ZNF346: variants seen among roughly 807,000 people sequenced by gnomAD.
ZNF346 encodes the protein zinc finger protein 346.
In ZNF346, 23 loss-of-function variants were observed where a neutral mutation model predicts 33.7. The observed-to-expected ratio is 0.68, with a 90% CI of 0.49 to 0.97. The LOEUF (loss-of-function observed/expected upper bound fraction) is 0.97. ZNF346 is among the 50% of genes least tolerant of loss of function. ZNF346 has a pLI of 0.00. For missense variants in ZNF346, 340 were observed against 371.1 expected (o/e 0.92, Z 0.69); for synonymous variants, 134 against 142.4 (o/e 0.94, Z 0.42).
intron 8 of ZNF346, among the ~76,000 whole-genome samples, chr5:177,075,840 C>G (rs1288460384): frequency 6.6e-6 from 1 of 152,226 alleles, no homozygotes; most frequent in Admixed American, 6.5e-5. Context: ...GCACCCGCCA[C>G]CACGCCCAGC....
At position 177,034,832 on chromosome 5, in the gene ZNF346, T is replaced by C. The variant is rs147193071; in HGVS notation, c.176-6294T>C. 3.3e-5 allele frequency among the ~76,000 whole-genome samples: 5 copies of C among 152,330 alleles called. No individual in the cohort carries two copies. In the East Asian group the frequency reaches 9.6e-4, roughly 29 times the overall value. ...AGTTTTCCAGCATCCGTTGTCCAGC[T>C]TCATAGGTTGAGAGAGAAGTTGTTA... On this transcript the variant is annotated intron_variant, in intron 1 of 6. Coordinates refer to ENST00000358149, the MANE Select transcript of ZNF346 (RefSeq NM_012279.4).
chr5:177,072,250 T>C (rs1201322742), downstream of ZNF346, among the ~76,000 whole-genome samples: 1 of 152,252 alleles, frequency 6.6e-6, no homozygotes, highest in African/African-American at 2.4e-5. Context: ...TTAGCACTTC[T>C]GCTCATTCCC....
At chr5:177,045,608 G>A (rs911488783) in intron 4 of ZNF346, among the ~76,000 whole-genome samples, 7 of 151,962 alleles carry the variant, frequency 4.6e-5, no homozygotes, top group Non-Finnish European at 8.8e-5. Flanking sequence ...CACCTGCCTC[G>A]GCCTCCCAAA....
chr5:177,076,904 G>C (rs763887547), intron 8 of ZNF346, among the ~76,000 whole-genome samples: 2 of 152,130 alleles, frequency 1.3e-5, no homozygotes, highest in African/African-American at 2.4e-5. Flanking sequence ...AGCTGGGCAT[G>C]GTGACAGGTG....
intron 8 of ZNF346, among the ~76,000 whole-genome samples, chr5:177,074,419 TAGAG>T (rs1253219013): frequency 6.6e-6 from 1 of 152,178 alleles, no homozygotes; most frequent in Non-Finnish European, 1.5e-5. Flanking sequence ...GCACCTGTCA[TAGAG>T]AAGAAGACAG....
chr5:177,053,338 A>AC (rs11412546), intron 5 of ZNF346, among the ~76,000 whole-genome samples: 1 of 150,660 alleles, frequency 6.6e-6, no homozygotes, highest in Non-Finnish European at 1.5e-5. Context: ...AAAAAAAAAA[A>AC]CAGGGTCTCT....
downstream of ZNF346, among the ~76,000 whole-genome samples, chr5:177,069,446 C>CT (rs1334220285): frequency 2.7e-5 from 3 of 110,832 alleles, no homozygotes; most frequent in African/African-American, 1.4e-4. Context: ...TAGTAAGACT[C>CT]TGTCTCAAAA....
At chr5:177,060,284 AGGTCGAGGTG>A (rs1490598883) in intron 5 of ZNF346, among the ~76,000 whole-genome samples, 4 of 152,198 alleles carry the variant, frequency 2.6e-5, no homozygotes, top group Admixed American at 2.6e-4. Context: ...GCACTTTAGG[AGGTCGAGGTG>A]GGTGGATCAT....
intron 1 of ZNF346, 55 bp downstream of exon 1, chr5:177,022,968 G>A: frequency 3.5e-6 from 5 of 1,441,560 alleles, no homozygotes; most frequent in Non-Finnish European, 4.5e-6. Context: ...CGGCTCGCGG[G>A]GAACTGCGGA....
intron 1 of ZNF346, among the ~76,000 whole-genome samples, chr5:177,032,634 C>G (rs1777893267): frequency 6.6e-6 from 1 of 152,158 alleles, no homozygotes; most frequent in African/African-American, 2.4e-5. Flanking sequence ...TGGTCTCAAA[C>G]TCCTGACCTC....
At chr5:177,044,052 GT>G (rs549037838) in intron 3 of ZNF346, among the ~76,000 whole-genome samples, 121 of 144,742 alleles carry the variant, frequency 8.4e-4, no homozygotes, top group Admixed American at 1.2e-3. Context: ...ACTGAATGAT[GT>G]TTTTTTTTTT....
chr5:177,026,778 G>C (rs1167176789), intron 1 of ZNF346, among the ~76,000 whole-genome samples: 2 of 152,226 alleles, frequency 1.3e-5, no homozygotes, highest in African/African-American at 4.8e-5. Flanking sequence ...AATGTGGACA[G>C]GGAGTGGGAC....
At chr5:177,063,089 G>A (rs1782742110) in intron 6 of ZNF346, among the ~76,000 whole-genome samples, 1 of 150,854 alleles carries the variant, frequency 6.6e-6, no homozygotes, top group Admixed American at 6.6e-5. Context: ...TAGTAGAGAT[G>A]GGGTTTCACC....
At chr5:177,033,102 GA>G (rs1205937752) in intron 1 of ZNF346, among the ~76,000 whole-genome samples, 1 of 152,036 alleles carries the variant, frequency 6.6e-6, no homozygotes, top group Non-Finnish European at 1.5e-5. Context: ...TGAGATGGGG[GA>G]TCTTGCTCTG....
At chr5:177,073,657 C>T (rs182485547) in intron 8 of ZNF346, among the ~76,000 whole-genome samples, 1 of 152,174 alleles carries the variant, frequency 6.6e-6, no homozygotes. Flanking sequence ...GTCAAAGGAG[C>T]CAGGTTGCTG....
downstream of ZNF346, among the ~76,000 whole-genome samples, chr5:177,070,280 G>A (rs766728067): frequency 6.6e-6 from 1 of 152,122 alleles, no homozygotes; most frequent in Non-Finnish European, 1.5e-5. Context: ...CATAGTTCCT[G>A]ACTTGAAATC....
At chr5:177,046,300 CAAA>C (rs34466141) in intron 4 of ZNF346, among the ~76,000 whole-genome samples, 7 of 102,110 alleles carry the variant, frequency 6.9e-5, no homozygotes, top group Non-Finnish European at 6.1e-5. Context: ...GACCTCGTCT[CAAA>C]AAAAAAAAAA....
In ZNF346 at chr5:177,022,712, C is replaced by T. The variant is rs1178349751; in HGVS notation, c.-27C>T. The T allele has an allele frequency of 4.6e-6, 7 of 1,528,464 alleles. No homozygotes were observed. The South Asian group carries it at 4.8e-5, about 11-fold the overall frequency. 94.7% of individuals were successfully genotyped at this position (1,528,464 alleles called of 1,614,324 possible). A position where few individuals can be genotyped will look rare whatever the true frequency, so the allele number is the denominator to read the frequency against. ...GCGATACCTAGGCGCCTGAGAGGCTCTCTACCGGTGAGGGTTTGCGGGGAA... is the reference window on the plus strand; with the variant it reads ...GCGATACCTAGGCGCCTGAGAGGCTTTCTACCGGTGAGGGTTTGCGGGGAA... On this transcript the variant is annotated 5_prime_UTR_variant, in exon 1 of 7. Coordinates refer to ENST00000358149, the MANE Select transcript of ZNF346 (RefSeq NM_012279.4).
At chr5:177,054,456 C>T (rs1447940063) in intron 5 of ZNF346, among the ~76,000 whole-genome samples, 19 of 151,938 alleles carry the variant, frequency 1.3e-4, no homozygotes, top group Non-Finnish European at 2.9e-5. Flanking sequence ...TGGAGTGCAG[C>T]AGTGCCATCT....
Sources: allele counts gnomAD v4.1 joint callset (sites outside exome capture counted in the v4.1 genomes callset), GRCh38; gene constraint gnomAD v4.1.1; transcripts MANE v1.5; gene names NCBI Gene and HGNC (gene_info 2026-07-23, HGNC 2026-07-21).